The following ANO7 variants were observed in gnomAD, a reference collection of about 807,000 sequenced individuals.
ANO7 encodes anoctamin 7, also known as anoctamin-7.
ANO7 carries 114 observed loss-of-function variants against 115.8 expected under a neutral mutation model. The observed-to-expected ratio is 0.98, with a 90% CI of 0.85 to 1.15. The LOEUF is 1.15. Among genes scored for constraint, ANO7 ranks in the 50% most tolerant of loss-of-function variants. ANO7 has a pLI of 0.00. For synonymous variants in ANO7, 550 were observed against 498.2 expected, an observed-to-expected ratio of 1.10 and a Z score of -1.38; for missense variants, 1,302 against 1,201.2, an observed-to-expected ratio of 1.08 and a Z score of -1.24.
chr2:241,235,426 T>C, the ANO7 span: 1 of 1,463,060 alleles, frequency 6.8e-7, no homozygotes, highest in Middle Eastern at 1.8e-4. Flanking sequence ...GAAAGGACAC[T>C]GGCACTCGGG....
intron 10 of ANO7, among the ~76,000 whole-genome samples, chr2:241,205,921 CAT>C (rs1238330364): frequency 1.5e-4 from 6 of 40,108 alleles, no homozygotes; most frequent in Non-Finnish European, 1.9e-4. Context: ...CCCAGGCTGA[CAT>C]AGGTGGACAG....
Position 241,212,259 on chromosome 2 carries a change from A to T in ANO7, c.1673+54A>T, listed in dbSNP as rs1478251199. On this transcript the variant is annotated intron_variant, in intron 16 of 24. Coordinates refer to ENST00000674324, the MANE Select transcript of ANO7 (RefSeq NM_001370694.2). ...AGCTTGTCCCGGCTTAGTTCTGCTC[A>T]TGTTTCCCGCTGCCTGGGTACCAGG... 19 of 1,501,704 alleles carry T rather than the reference A, an allele frequency of 1.3e-5. No homozygotes were observed. In the South Asian group the frequency reaches 1.3e-4, roughly 11 times the overall value. The allele number at this position is 1,501,704 out of a possible 1,614,324, so 93.0% of individuals were successfully genotyped here. A position where few individuals can be genotyped will look rare whatever the true frequency, so the allele number is the denominator to read the frequency against.
At position 241,214,869 on chromosome 2, in the gene ANO7, A is replaced by G. The variant is rs1427832847; in HGVS notation, c.1793A>G (p.Gln598Arg). The G allele has an allele frequency of 3.1e-6, 5 of 1,612,834 alleles. No homozygotes were observed. The East Asian group carries it at 1.1e-4, about 36-fold the overall frequency. The part of the protein sequence containing the change: ...QELLVIMVGK[Q>R]VINNMQEVLI... ...CTCCTGGTCATCATGGTGGGCAAGC[A>G]GGTCATCAACAACATGCAGGAGGTC... The change falls in exon 18 of 25, where the codon CAG becomes CGG. Residue 598 changes from glutamine (Q) to arginine (R), a missense_variant. Physicochemically the swap from Gln to Arg is conservative, Grantham distance 43. Transcript: ENST00000674324.
chr2:241,208,809 C>T (rs1026283539), intron 11 of ANO7, among the ~76,000 whole-genome samples: 4 of 152,182 alleles, frequency 2.6e-5, no homozygotes, highest in South Asian at 4.1e-4. Flanking sequence ...GGGTGTGAGC[C>T]GTCCTGAGGC....
At chr2:241,199,995 T>C (rs368803312) in intron 5 of ANO7, 94 bp from the exon 6 acceptor site, 1 of 1,483,308 alleles carries the variant, frequency 6.7e-7, no homozygotes, top group Non-Finnish European at 9.2e-7. Flanking sequence ...CCTTCGCCCA[T>C]TGCCCAATTT....
the ANO7 span, chr2:241,231,091 A>C: frequency 7.2e-6 from 5 of 694,430 alleles, no homozygotes; most frequent in Non-Finnish European, 9.6e-6. Flanking sequence ...GAGGTTAACA[A>C]TGTCCACTCA....
At chr2:241,230,750 C>T, downstream of ANO7, 1 of 1,612,748 alleles carries the variant, frequency 6.2e-7, no homozygotes, top group Non-Finnish European at 8.5e-7. This position sits in a 1 kb window ranked among gnomAD's most constrained non-coding sequence, Gnocchi z 5.0. Context: ...GTGCTTCCAG[C>T]CGGCTCACCT....
rs138851563 is a variant in ANO7 at position 241,203,464 on chromosome 2, C to G, written c.855C>G (p.Phe285Leu). The G allele has an allele frequency of 1.3e-6, 2 of 1,564,784 alleles. No individual in the cohort carries two copies. The highest frequency in any genetic ancestry group is 2.5e-5 in the East Asian group (1 of 40,722). The change falls in exon 9 of 25, where the codon TTC becomes TTG. Residue 285 changes from phenylalanine (F) to leucine (L), a missense_variant. Physicochemically the swap from Phe to Leu is conservative, Grantham distance 22. Transcript: ENST00000674324. This position sits in a 1 kb window ranked among gnomAD's most constrained non-coding sequence, Gnocchi z 4.8. ...YQPLDHVRRY[F>L]GEKVALYFAW... The stretch of plus-strand genomic sequence containing the variant: ...CCCTGGACCACGTGCGCAGGTACTT[C>G]GGGGAGAAGGTGGCCCTCTACTTCG...
In ANO7 at chr2:241,223,690, T is replaced by C; in HGVS notation, c.2441T>C (p.Leu814Pro). ...GTGGTTTTCTCCGTTGGCCGCCTCC[T>C]GGACCTCCTGGTGCCTGACATCCCA... Reference protein sequence around the residue: ...EHVVFSVGRLLDLLVPDIPES... With the variant: ...EHVVFSVGRLPDLLVPDIPES... The change falls in exon 23 of 25, where the codon CTG (leucine) becomes CCG (proline). Residue 814 changes from leucine to proline, a missense_variant. Coordinates refer to ENST00000674324, the MANE Select transcript of ANO7 (RefSeq NM_001370694.2). The C allele has an allele frequency of 1.2e-6, 2 of 1,613,912 alleles. No homozygotes were observed. The highest frequency in any genetic ancestry group is 1.7e-5 in the Admixed American group (1 of 59,978).
chr2:241,216,017 A>G, intron 18 of ANO7, 76 bp from the exon 19 acceptor site: 1 of 1,510,742 alleles, frequency 6.6e-7, no homozygotes, highest in Non-Finnish European at 8.9e-7. Flanking sequence ...TCCCGGCCAC[A>G]TCTCCCCCAA....
intron 11 of ANO7, 49 bp from the exon 12 acceptor site, chr2:241,209,236 G>C: frequency 6.6e-7 from 1 of 1,521,950 alleles, no homozygotes; most frequent in South Asian, 1.2e-5. Context: ...GAAGGAACAA[G>C]GGGCCTCCAG....
At chr2:241,215,023 T>TGGGGAGGGGGAG (rs1016917554) in intron 18 of ANO7, 121 bp downstream of exon 18, 2 of 915,422 alleles carry the variant, frequency 2.2e-6, no homozygotes, top group Non-Finnish European at 3.2e-6. Flanking sequence ...GCACCTTGCC[T>TGGGGAGGGGGAG]GGGGAGGGGG....
In ANO7 at chr2:241,204,396, G is replaced by A. The variant is rs1049636394; in HGVS notation, c.890-469G>A. On this transcript the variant is annotated intron_variant, in intron 9 of 24. Coordinates refer to ENST00000674324, the MANE Select transcript of ANO7 (RefSeq NM_001370694.2). ...GGGCCTGGGGTAACTGAGGGATTGC[G>A]GCTGTGGTCAGATGAGGCAGGGGCC... 6.6e-5 allele frequency among the ~76,000 whole-genome samples: 10 copies of A among 151,374 alleles called. No homozygotes were observed. In the East Asian group the frequency reaches 7.8e-4, roughly 12 times the overall value.
At chr2:241,198,020 G>A (rs1574763307) in intron 4 of ANO7, among the ~76,000 whole-genome samples, 1 of 152,194 alleles carries the variant, frequency 6.6e-6, no homozygotes, top group African/African-American at 2.4e-5. Flanking sequence ...ATTGCTGGTG[G>A]CGTGTGTGAC....
chr2:241,199,549 C>T, intron 5 of ANO7, 126 bp downstream of exon 5: 1 of 876,546 alleles, frequency 1.1e-6, no homozygotes. Flanking sequence ...TCCTCCTACC[C>T]ACCCCGACAC....
the ANO7 span, chr2:241,239,808 C>T: frequency 6.2e-7 from 1 of 1,613,718 alleles, no homozygotes; most frequent in Non-Finnish European, 8.5e-7. The surrounding 1 kb of genome is among the most constrained non-coding windows in gnomAD (Gnocchi z 4.6). Flanking sequence ...ATGGAGTCTT[C>T]CACCACATTA....
the ANO7 span, among the ~76,000 whole-genome samples, chr2:241,238,102 G>A: frequency 6.6e-6 from 1 of 152,218 alleles, no homozygotes; most frequent in East Asian, 1.9e-4. This position sits in a 1 kb window ranked among gnomAD's most constrained non-coding sequence, Gnocchi z 4.9. Context: ...CAGAGCAAGT[G>A]AGAGAGAGGC....
chr2:241,212,009 TG>T, intron 15 of ANO7, 84 bp from the exon 16 acceptor site: 1 of 929,784 alleles, frequency 1.1e-6, no homozygotes, highest in Non-Finnish European at 1.8e-6. Flanking sequence ...CACCCGTGTG[TG>T]GCAAGGTGGT....
rs906972693 is a variant in ANO7 at position 241,203,617 on chromosome 2, C to T, written c.889+119C>T. On this transcript the variant is annotated intron_variant, in intron 9 of 24. Coordinates refer to ENST00000674324, the MANE Select transcript of ANO7 (RefSeq NM_001370694.2). The surrounding 1 kb of genome is among the most constrained non-coding windows in gnomAD (Gnocchi z 4.8). The stretch of plus-strand genomic sequence containing the variant: ...CGTGCGTGGGGGCCTGGACGGTGGG[C>T]GCAGCTCTTGGCTCGACCGGGCTGC... 27 of 735,396 alleles carry T rather than the reference C, an allele frequency of 3.7e-5. No homozygotes were observed. Among genetic ancestry groups the T allele is most frequent in the Admixed American group, 2.4e-4 (6 of 25,084 alleles). The allele number at this position is 735,396 out of a possible 1,614,324, so 45.6% of individuals were successfully genotyped here.
Sources: allele counts gnomAD v4.1 joint callset (sites outside exome capture counted in the v4.1 genomes callset), GRCh38; gene constraint gnomAD v4.1.1; non-coding constraint Gnocchi (gnomAD v3.1); transcripts MANE v1.5; gene names NCBI Gene and HGNC (gene_info 2026-07-23, HGNC 2026-07-21).